The following KRT33A variants were observed in gnomAD, a reference collection of about 807,000 sequenced individuals.
KRT33A encodes keratin, type I cuticular Ha3-I.
In KRT33A, 44 loss-of-function variants were observed where a neutral mutation model predicts 41.1. That is an observed-to-expected ratio of 1.07 (90% CI 0.84 to 1.38). KRT33A has a LOEUF of 1.38. Ranked by LOEUF, KRT33A falls within the 40% of genes most tolerant of loss-of-function variation. The pLI, the probability that KRT33A is intolerant of heterozygous loss-of-function variation, is 0.00. For missense variants in KRT33A, 536 were observed against 518.5 expected, an observed-to-expected ratio of 1.03 and a Z score of -0.33; for synonymous variants, 229 against 227.8, an observed-to-expected ratio of 1.01 and a Z score of -0.05.
Position 41,350,732 on chromosome 17 carries a change from G to A in KRT33A, c.36C>T (p.Cys12=). The change falls in exon 1 of 7, where the codon TGC becomes TGT. Residue 12 remains cysteine (C), a synonymous_variant. Coordinates refer to ENST00000007735, the MANE Select transcript of KRT33A (RefSeq NM_004138.4). The part of the protein sequence containing the change: ...SYSCGLPSLS[C]RTSCSSRPCV... ...AGGGCCGGGAGGAGCAGCTGGTGCG[G>A]CAGCTCAGGCTGGGCAGGCCACAAC... 4 of 1,611,884 alleles carry A rather than the reference G, an allele frequency of 2.5e-6. No homozygotes were observed. The highest frequency in any genetic ancestry group is 3.4e-6 in the Non-Finnish European group (4 of 1,179,684).
At chr17:41,347,466 T>G (rs1362674004) in intron 3 of KRT33A, among the ~76,000 whole-genome samples, 1 of 152,242 alleles carries the variant, frequency 6.6e-6, no homozygotes, top group Non-Finnish European at 1.5e-5. Flanking sequence ...TTAGAGAGAT[T>G]CAGTGATTTG....
rs777418838 is a variant in KRT33A at position 41,350,686 on chromosome 17, C to T, written c.82G>A (p.Gly28Ser). 2.6e-5 allele frequency: 42 copies of T among 1,611,974 alleles called. 1 individual carries two copies. In the Admixed American group the frequency reaches 3.0e-4, roughly 12 times the overall value. Residue 28 changes from glycine (G) to serine (S), a missense_variant, in exon 1 of 7, where the codon GGC (glycine) becomes AGC (serine). Gly to Ser is a moderately conservative substitution (Grantham distance 56). Coordinates refer to ENST00000007735, the MANE Select transcript of KRT33A (RefSeq NM_004138.4). ...TTGCAGGCCCCGGGCAGGGTGCAGC[C>T]GTGGCAGCTGGGGGGCACACAGGGC... is the stretch of plus-strand genomic sequence containing the variant. ...SRPCVPPSCH[G>S]CTLPGACNIP...
At chr17:41,348,703 G>A in intron 2 of KRT33A, 64 bp from the exon 3 acceptor site, 1 of 1,566,382 alleles carries the variant, frequency 6.4e-7, no homozygotes, top group East Asian at 2.3e-5. Flanking sequence ...ACTCTGCTTT[G>A]GTTTGGTTAG....
In KRT33A at chr17:41,350,820, T is replaced by G. The variant is rs2017500574; in HGVS notation, c.-53A>C. The G allele has an allele frequency of 4.5e-6, 7 of 1,550,922 alleles. No individual in the cohort carries two copies. The highest frequency in any genetic ancestry group is 4.8e-5 in the East Asian group (2 of 41,938). On this transcript the variant is annotated 5_prime_UTR_variant, in exon 1 of 7. Transcript: ENST00000007735. The stretch of plus-strand genomic sequence containing the variant: ...GACAGAGTCCAAAATCTCCAGGTTG[T>G]AGAGCGGTGGGTCTCCTTCCTCCAG...
At chr17:41,346,276 G>A (rs1401817010) in intron 6 of KRT33A, 40 bp from the exon 7 acceptor site, 2 of 1,594,930 alleles carry the variant, frequency 1.3e-6, no homozygotes, top group Non-Finnish European at 8.6e-7. Flanking sequence ...AGAGTAAAAT[G>A]AGCTGAAGAG....
At chr17:41,346,267 G>A (rs2017414795) in intron 6 of KRT33A, 31 bp from the exon 7 acceptor site, 1 of 1,602,086 alleles carries the variant, frequency 6.2e-7, no homozygotes, top group Non-Finnish European at 8.6e-7. Context: ...GAGCAAGTTA[G>A]AGTAAAATGA....
rs111993782 is a variant in KRT33A, at chr17:41,347,159, T to C, written c.652A>G (p.Thr218Ala). The change falls in exon 4 of 7, where the codon ACT becomes GCT. Residue 218 changes from threonine to alanine, a missense_variant. Coordinates refer to ENST00000007735, the MANE Select transcript of KRT33A (RefSeq NM_004138.4). ...TTCAGGACCTGGTTCAGGTCCACAGTGGGAGCAGCGTCCACCTCCACGTTG... is the reference window on the plus strand; with the variant it reads ...TTCAGGACCTGGTTCAGGTCCACAGCGGGAGCAGCGTCCACCTCCACGTTG... The part of the protein sequence containing the change: ...RLNVEVDAAP[T>A]VDLNQVLNET... 2.1e-4 allele frequency: 334 copies of C among 1,614,150 alleles called. 3 individuals are homozygous for C. In the African/African-American group the frequency reaches 3.0e-3, roughly 14 times the overall value.
intron 1 of KRT33A, 24 bp downstream of exon 1, chr17:41,350,396 G>A (rs774225434): frequency 6.2e-7 from 1 of 1,605,892 alleles, no homozygotes; most frequent in Non-Finnish European, 8.5e-7. Flanking sequence ...TCCTACTGGA[G>A]GCACTGTGTC....
In KRT33A at chr17:41,346,502, C is replaced by A. The variant is rs376941504; in HGVS notation, c.1043G>T (p.Arg348Leu). Residue 348 changes from arginine (R) to leucine (L), a missense_variant, in exon 6 of 7, where the codon CGG becomes CTG. Transcript: ENST00000007735. ...GTACGTGTTGATCTCACACTCCAGC[C>A]GCGCCCGCACGTCCAGCAGCACCTG... Reference protein sequence around the residue: ...EYQVLLDVRARLECEINTYRS... With the variant: ...EYQVLLDVRALLECEINTYRS... 6.2e-7 allele frequency: 1 copy of A among 1,613,884 alleles called. No homozygotes were observed. Among genetic ancestry groups the A allele is most frequent in the East Asian group, 2.2e-5 (1 of 44,836 alleles).
chr17:41,349,929 C>G (rs572449499), intron 1 of KRT33A, among the ~76,000 whole-genome samples: 200 of 152,254 alleles, frequency 1.3e-3, no homozygotes, highest in African/African-American at 4.6e-3. Context: ...ATTTTAGGCT[C>G]TCACTGGACA....
At chr17:41,346,260 C>G in intron 6 of KRT33A, 24 bp from the exon 7 acceptor site, 3 of 1,606,408 alleles carry the variant, frequency 1.9e-6, no homozygotes, top group Non-Finnish European at 2.6e-6. Flanking sequence ...ATCATTGGAG[C>G]AAGTTAGAGT....
Position 41,346,878 on chromosome 17 carries a change from G to A in KRT33A, c.842C>T (p.Ala281Val), listed in dbSNP as rs373586065. 6.1e-5 allele frequency: 98 copies of A among 1,612,838 alleles called. No homozygotes were observed. Among genetic ancestry groups the A allele is most frequent in the Non-Finnish European group, 7.4e-5 (87 of 1,180,038 alleles). ...CTGGGCCTGCAGCTCGATCTCCAGG[G>A]CATTGACCGTGCGTCTCAGCTCGAT... Reference protein sequence around the residue: ...EIIELRRTVNALEIELQAQHN... With the variant: ...EIIELRRTVNVLEIELQAQHN... Residue 281 changes from alanine to valine, a missense_variant, in exon 5 of 7, where the codon GCC (alanine) becomes GTC (valine). Physicochemically the swap from Ala to Val is moderately conservative, Grantham distance 64 (BLOSUM62 0). Coordinates refer to ENST00000007735, the MANE Select transcript of KRT33A (RefSeq NM_004138.4).
In KRT33A at chr17:41,349,345, C is replaced by T. The variant is rs780438155; in HGVS notation, c.431+1G>A. On this transcript the variant is annotated splice_donor_variant, in intron 2 of 6. Transcript: ENST00000007735. LOFTEE classifies it high-confidence loss of function. ...CAGCAACACCCCGCTTGCCCACTCA[C>T]TTGGTCCTGAAGTCATCTGAGGCCA... is the stretch of plus-strand genomic sequence containing the variant. The T allele has an allele frequency of 1.2e-6, 2 of 1,613,804 alleles. No homozygotes were observed. Among genetic ancestry groups the T allele is most frequent in the Non-Finnish European group, 8.5e-7 (1 of 1,179,804 alleles).
Position 41,346,244 on chromosome 17 carries a change from C to T in KRT33A, c.1098-8G>A. ...CAGGGGTTGGAGGGGAGCCTGTGGG[C>T]AGAAAATCATTGGAGCAAGTTAGAG... On this transcript the variant is annotated splice_polypyrimidine_tract_variant and splice_region_variant and intron_variant, in intron 6 of 6. Coordinates refer to ENST00000007735, the MANE Select transcript of KRT33A (RefSeq NM_004138.4). The T allele has an allele frequency of 6.2e-7, 1 of 1,612,580 alleles. No homozygotes were observed. Among genetic ancestry groups the T allele is most frequent in the Non-Finnish European group, 8.5e-7 (1 of 1,178,750 alleles).
chr17:41,350,405 T>C lies in KRT33A; in HGVS notation c.348+15A>G. Reference sequence around the variant, plus strand: ...ACAACTTCCTACTGGAGGCACTGTGTCGCCCACTCCTCACCTTCTGCTGGA... The same window carrying C: ...ACAACTTCCTACTGGAGGCACTGTGCCGCCCACTCCTCACCTTCTGCTGGA... On this transcript the variant is annotated intron_variant, in intron 1 of 6. Transcript: ENST00000007735. The C allele has an allele frequency of 6.2e-7, 1 of 1,610,944 alleles. No homozygotes were observed.
Position 41,346,209 on chromosome 17 carries a change from G to C in KRT33A, c.1125C>G (p.Thr375=). Residue 375 remains threonine, a synonymous_variant, in exon 7 of 7, where the codon ACC becomes ACG. Transcript: ENST00000007735. The part of the protein sequence containing the change: ...CKLPSNPCAT[T]NACDKSTGPC... ...GCCCAGTGGACTTGTCACATGCATT[G>C]GTTGTGGCGCAGGGGTTGGAGGGGA... The C allele has an allele frequency of 6.2e-7, 1 of 1,614,154 alleles. No homozygotes were observed. Among genetic ancestry groups the C allele is most frequent in the South Asian group, 1.1e-5 (1 of 91,084 alleles).
chr17:41,350,524 CG>C lies in KRT33A; in HGVS notation c.243del (p.Asn81LysfsTer89), dbSNP rs2017490939. ...LEKVRQLERD[N>X]AELENLIRER... ...TCCCGGATGAGGTTCTCCAGCTCCGCGTTGTCCCGCTCCAGCTGACGCACCT... is the reference window on the plus strand; with the variant it reads ...TCCCGGATGAGGTTCTCCAGCTCCGCTTGTCCCGCTCCAGCTGACGCACCT... On this transcript the variant is annotated frameshift_variant, in exon 1 of 7. Coordinates refer to ENST00000007735, the MANE Select transcript of KRT33A (RefSeq NM_004138.4). LOFTEE classifies it high-confidence loss of function. 1 of 1,614,008 alleles carries C rather than the reference CG, an allele frequency of 6.2e-7. No homozygotes were observed. Among genetic ancestry groups the C allele is most frequent in the Admixed American group, 1.7e-5 (1 of 59,998 alleles).
Position 41,347,983 on chromosome 17 carries a change from C to T in KRT33A, c.588+500G>A, listed in dbSNP as rs575853451. 3.9e-5 allele frequency among the ~76,000 whole-genome samples: 6 copies of T among 152,334 alleles called. No homozygotes were observed. The East Asian group carries it at 7.7e-4, about 20-fold the overall frequency. ...TGGATTTCAGGTTGCATAAAATACA[C>T]GTCTTCTTTTTTGCCCAACTGACTT... On this transcript the variant is annotated intron_variant, in intron 3 of 6. Coordinates refer to ENST00000007735, the MANE Select transcript of KRT33A (RefSeq NM_004138.4).
chr17:41,348,421 C>G lies in KRT33A; in HGVS notation c.588+62G>C, dbSNP rs923422107. The G allele has an allele frequency of 3.2e-6, 5 of 1,584,146 alleles. No homozygotes were observed. The African/African-American group carries it at 4.0e-5, about 13-fold the overall frequency. On this transcript the variant is annotated intron_variant, in intron 3 of 6. Coordinates refer to ENST00000007735, the MANE Select transcript of KRT33A (RefSeq NM_004138.4). The stretch of plus-strand genomic sequence containing the variant: ...CCTCTACTGACAGCCTGTCCTGGAC[C>G]CTGTGGCAGTTGTGAAACAGGTCCT...
Sources: allele counts gnomAD v4.1 joint callset (sites outside exome capture counted in the v4.1 genomes callset), GRCh38; gene constraint gnomAD v4.1.1; transcripts MANE v1.5; gene names NCBI Gene and HGNC (gene_info 2026-07-23, HGNC 2026-07-21).